The following ANO2 variants were observed in gnomAD, a reference collection of about 807,000 sequenced individuals.
ANO2 encodes the protein anoctamin 2.
A neutral mutation model predicts 124.2 loss-of-function variants in ANO2; 101 were observed. The observed-to-expected ratio is 0.81, with a 90% CI of 0.69 to 0.96. The LOEUF (loss-of-function observed/expected upper bound fraction) is 0.96, where lower values mean the gene tolerates loss of function less well. Among genes scored for constraint, ANO2 ranks in the 40% least tolerant of loss-of-function variants. The pLI, the probability that ANO2 is intolerant of heterozygous loss-of-function variation, is 0.00. For missense variants in ANO2, 1,293 were observed against 1,274.5 expected (o/e 1.01, Z -0.22); for synonymous variants, 486 against 482.5 (o/e 1.01, Z -0.09).
chr12:5,876,922 C>T (rs1209967273), intron 3 of ANO2, among the ~76,000 whole-genome samples: 1 of 152,124 alleles, frequency 6.6e-6, no homozygotes, highest in Admixed American at 6.5e-5. Flanking sequence ...CACATGTATA[C>T]CTATGTAACG....
chr12:5,786,086 G>A (rs1427553296), intron 10 of ANO2, among the ~76,000 whole-genome samples: 1 of 152,130 alleles, frequency 6.6e-6, no homozygotes, highest in Non-Finnish European at 1.5e-5. Flanking sequence ...AGGGGGCGGT[G>A]CCCCTGGGGT....
chr12:5,718,250 A>T lies in ANO2; in HGVS notation c.1545+14270T>A, dbSNP rs145066918. 4.7e-3 allele frequency among the ~76,000 whole-genome samples: 714 copies of T among 152,366 alleles called. 3 individuals carry two copies. Among genetic ancestry groups the T allele is most frequent in the Non-Finnish European group, 7.8e-3 (533 of 68,036 alleles). On this transcript the variant is annotated intron_variant, in intron 14 of 24. Coordinates refer to ENST00000682330, the MANE Select transcript of ANO2 (RefSeq NM_001364791.2). Reference sequence around the variant, plus strand: ...ACATCAAACGTTAGCAAGCCTAAGTAAGGGGGAAACTGCCAAAGGGCATCT... The same window carrying T: ...ACATCAAACGTTAGCAAGCCTAAGTTAGGGGGAAACTGCCAAAGGGCATCT...
chr12:5,847,982 C>T (rs910471189), intron 4 of ANO2, among the ~76,000 whole-genome samples: 8 of 152,162 alleles, frequency 5.3e-5, no homozygotes, highest in Non-Finnish European at 1.0e-4. Context: ...CTGCTCGAAC[C>T]GTTATCTTTG....
chr12:5,811,898 G>A (rs1243389264), intron 7 of ANO2, among the ~76,000 whole-genome samples: 1 of 152,128 alleles, frequency 6.6e-6, no homozygotes, highest in Non-Finnish European at 1.5e-5. Context: ...AAATAAGAGG[G>A]AAAGGTTGAG....
intron 11 of ANO2, among the ~76,000 whole-genome samples, chr12:5,744,551 G>T (rs970425486): frequency 6.6e-6 from 1 of 152,178 alleles, no homozygotes. Context: ...CACTACAAGT[G>T]CCCTGGAAAG....
Position 5,732,887 on chromosome 12 carries a change from G to A in ANO2, c.1435-257C>T. On this transcript the variant is annotated intron_variant, in intron 13 of 24. Transcript: ENST00000682330. ...AAACCTGGGCACGTTCCTGGGGATA[G>A]CGCCGGTGTTGAGAAAAAGAGAGGA... 3 of 1,613,970 alleles carry A rather than the reference G, an allele frequency of 1.9e-6. 1 individual carries two copies. The African/African-American group carries it at 4.0e-5, about 22-fold the overall frequency.
At chr12:5,656,272 C>A (rs776221220) in intron 14 of ANO2, among the ~76,000 whole-genome samples, 1 of 152,222 alleles carries the variant, frequency 6.6e-6, no homozygotes, top group Admixed American at 6.5e-5. Context: ...GCTCCAAACT[C>A]ATTTGTCCAA....
At chr12:5,612,505 C>A in intron 19 of ANO2, 151 bp downstream of exon 19, 1 of 667,136 alleles carries the variant, frequency 1.5e-6, no homozygotes, top group Non-Finnish European at 2.6e-6. Flanking sequence ...CAAAGTTTGC[C>A]CCATGGGGAA....
chr12:5,760,831 G>A (rs1329236862), intron 10 of ANO2, among the ~76,000 whole-genome samples: 1 of 152,026 alleles, frequency 6.6e-6, no homozygotes, highest in East Asian at 1.9e-4. Flanking sequence ...ACGTTCAACT[G>A]CTCGCTTTAA....
At chr12:5,578,552 G>GA (rs1942560967) in intron 20 of ANO2, 34 bp from the exon 21 acceptor site, 2 of 1,596,830 alleles carry the variant, frequency 1.3e-6, no homozygotes, top group Non-Finnish European at 1.7e-6. Context: ...GCTTCAGCAG[G>GA]AACAAGCAGG....
At chr12:5,850,277 G>T (rs1488744156) in intron 4 of ANO2, among the ~76,000 whole-genome samples, 2 of 151,994 alleles carry the variant, frequency 1.3e-5, no homozygotes, top group African/African-American at 4.8e-5. Flanking sequence ...ATAGCCGGGC[G>T]TGGTGGCGCG....
intron 1 of ANO2, among the ~76,000 whole-genome samples, chr12:5,933,222 C>G (rs1355355677): frequency 6.6e-6 from 1 of 152,220 alleles, no homozygotes; most frequent in Non-Finnish European, 1.5e-5. Context: ...TGACTCTCCT[C>G]TTGTGCACAC....
intron 14 of ANO2, among the ~76,000 whole-genome samples, chr12:5,726,094 G>A (rs1399140521): frequency 1.3e-5 from 2 of 151,052 alleles, no homozygotes; most frequent in Admixed American, 6.6e-5. Flanking sequence ...CTCCAAACGT[G>A]TCCGGGATAC....
chr12:5,660,389 T>A, intron 14 of ANO2, among the ~76,000 whole-genome samples: 1 of 119,498 alleles, frequency 8.4e-6, no homozygotes, highest in Non-Finnish European at 1.8e-5. Context: ...ATCTTTTGTA[T>A]ACTCCATCTC....
intron 13 of ANO2, among the ~76,000 whole-genome samples, chr12:5,734,534 C>T (rs1359198672): frequency 6.6e-6 from 1 of 152,232 alleles, no homozygotes. Context: ...TCTGGCTTTC[C>T]AGGACATGAT....
chr12:5,941,229 C>A (rs1448512889), intron 1 of ANO2, among the ~76,000 whole-genome samples: 2 of 152,104 alleles, frequency 1.3e-5, no homozygotes, highest in Non-Finnish European at 2.9e-5. Flanking sequence ...GAACTGGACA[C>A]CTTTAAAGGG....
chr12:5,931,039 T>C (rs1371579949), intron 1 of ANO2, among the ~76,000 whole-genome samples: 3 of 152,198 alleles, frequency 2.0e-5, no homozygotes, highest in African/African-American at 7.2e-5. Flanking sequence ...GCCTTCCTAC[T>C]GCTTATCTTG....
At chr12:5,801,618 T>C (rs948449207) in intron 9 of ANO2, among the ~76,000 whole-genome samples, 1 of 152,208 alleles carries the variant, frequency 6.6e-6, no homozygotes, top group African/African-American at 2.4e-5. Context: ...ACTTTTATTG[T>C]CACAATGTCT....
rs147119723 is a variant in ANO2, at chr12:5,691,005, A to G, written c.1545+41515T>C. Among the ~76,000 whole-genome samples the G allele has an allele frequency of 1.1e-3, 170 of 152,334 alleles. 7 individuals are homozygous for G. The East Asian group carries it at 0.03, about 27-fold the overall frequency. ...GAGCCCCCATCTCACAGGAGCTTACATATTAAAATGGAGAGACGGCCGGCA... is the reference window on the plus strand; with the variant it reads ...GAGCCCCCATCTCACAGGAGCTTACGTATTAAAATGGAGAGACGGCCGGCA... On this transcript the variant is annotated intron_variant, in intron 14 of 24. Coordinates refer to ENST00000682330, the MANE Select transcript of ANO2 (RefSeq NM_001364791.2).
Sources: allele counts gnomAD v4.1 joint callset (sites outside exome capture counted in the v4.1 genomes callset), GRCh38; gene constraint gnomAD v4.1.1; transcripts MANE v1.5; gene names NCBI Gene and HGNC (gene_info 2026-07-23, HGNC 2026-07-21).